Variants in BIN3 observed in about 807,000 individuals in gnomAD.
The protein encoded by BIN3 is bridging integrator 3.
A neutral mutation model predicts 38.2 loss-of-function variants in BIN3; 41 were observed. That is an observed-to-expected ratio of 1.07 (90% CI 0.84 to 1.39). The LOEUF is 1.39. Among genes scored for constraint, BIN3 ranks in the 40% most tolerant of loss-of-function variants. The probability of loss-of-function intolerance (pLI) is 0.00; values close to 1 mark genes in which losing one functional copy is unlikely to be tolerated. For synonymous variants in BIN3, 145 were observed against 122.6 expected (o/e 1.18, Z -1.21); for missense variants, 361 against 324.3 (o/e 1.11, Z -0.87).
intron 6 of BIN3, chr8:22,629,645 G>A: frequency 2.2e-6 from 1 of 455,642 alleles, no homozygotes; most frequent in Non-Finnish European, 4.0e-6. Flanking sequence ...GCTCCATTCA[G>A]CAAGCCCTGG....
chr8:22,629,654 G>A, intron 6 of BIN3: 1 of 487,388 alleles, frequency 2.1e-6, no homozygotes, highest in Non-Finnish European at 3.7e-6. Context: ...AGCAAGCCCT[G>A]GCCCCAGTGG....
At chr8:22,662,665 T>C (rs369512087) in intron 1 of BIN3, among the ~76,000 whole-genome samples, 6 of 152,318 alleles carry the variant, frequency 3.9e-5, no homozygotes, top group African/African-American at 1.4e-4. Context: ...CTTAGACAGA[T>C]GGTTTTCAAA....
chr8:22,665,918 T>TTG (rs1452136751), intron 1 of BIN3, among the ~76,000 whole-genome samples: 1 of 152,042 alleles, frequency 6.6e-6, no homozygotes, highest in African/African-American at 2.4e-5. Flanking sequence ...AGGTGGCAAA[T>TTG]TGTCAGCAGG....
chr8:22,642,745 C>G (rs1802602997), intron 2 of BIN3, among the ~76,000 whole-genome samples: 1 of 152,110 alleles, frequency 6.6e-6, no homozygotes, highest in Non-Finnish European at 1.5e-5. Context: ...AGGAACTTGC[C>G]CAAGGTCAGA....
At chr8:22,663,064 A>G (rs1803288092) in intron 1 of BIN3, among the ~76,000 whole-genome samples, 1 of 152,236 alleles carries the variant, frequency 6.6e-6, no homozygotes, top group African/African-American at 2.4e-5. Flanking sequence ...GGTTGCAGTG[A>G]GCTGAGATGG....
chr8:22,624,394 G>A (rs372335171), intron 6 of BIN3, 31 bp from the exon 7 acceptor site: 14 of 1,601,550 alleles, frequency 8.7e-6, no homozygotes, highest in African/African-American at 8.0e-5. Flanking sequence ...AGATGGGCCC[G>A]TTCTTGAAGG....
intron 2 of BIN3, among the ~76,000 whole-genome samples, chr8:22,637,899 T>C (rs1422199982): frequency 6.6e-6 from 1 of 152,154 alleles, no homozygotes; most frequent in African/African-American, 2.4e-5. Flanking sequence ...TGCAGTTCTC[T>C]ACACTCATCT....
chr8:22,645,533 G>GGAGGAA (rs1457148300), intron 1 of BIN3, among the ~76,000 whole-genome samples: 1 of 150,954 alleles, frequency 6.6e-6, no homozygotes, highest in Non-Finnish European at 1.5e-5. Flanking sequence ...AGGGGAGGGG[G>GGAGGAA]AGGAAAGGAA....
intron 1 of BIN3, among the ~76,000 whole-genome samples, chr8:22,668,404 T>C (rs1253688400): frequency 6.6e-6 from 1 of 152,230 alleles, no homozygotes; most frequent in Non-Finnish European, 1.5e-5. Context: ...TCTCATGGCA[T>C]GATAGTTCCC....
intron 2 of BIN3, among the ~76,000 whole-genome samples, chr8:22,638,502 C>T (rs1448992949): frequency 1.3e-5 from 2 of 152,138 alleles, no homozygotes; most frequent in African/African-American, 4.8e-5. Flanking sequence ...TCTGGGGATA[C>T]CCTGGTGATT....
intron 4 of BIN3, among the ~76,000 whole-genome samples, chr8:22,634,157 C>G (rs1363710272): frequency 6.6e-6 from 1 of 152,240 alleles, no homozygotes; most frequent in Non-Finnish European, 1.5e-5. Context: ...AGCTCCCGAA[C>G]TGGAAAGGCA....
chr8:22,630,513 G>T lies in BIN3; in HGVS notation c.226C>A (p.Gln76Lys). The change falls in exon 5 of 9, where the codon CAG (glutamine) becomes AAG (lysine). Residue 76 changes from glutamine (Q) to lysine (K), a missense_variant. Coordinates refer to ENST00000276416, the MANE Select transcript of BIN3 (RefSeq NM_018688.6). ...GCCGTCACCATGTTCAGAAGGTCCT[G>T]GTCTTGCTCACAGAGGGGATTGGAG... is the stretch of plus-strand genomic sequence containing the variant. Reference protein sequence around the residue: ...LLSNPLCEQDQDLLNMVTALD... With the variant: ...LLSNPLCEQDKDLLNMVTALD... The T allele has an allele frequency of 6.2e-7, 1 of 1,614,024 alleles. No homozygotes were observed. The highest frequency in any genetic ancestry group is 8.5e-7 in the Non-Finnish European group (1 of 1,179,886).
chr8:22,642,795 C>G (rs1033097390), intron 2 of BIN3, among the ~76,000 whole-genome samples: 11 of 152,210 alleles, frequency 7.2e-5, no homozygotes, highest in Non-Finnish European at 1.6e-4. Flanking sequence ...CCCAGGCTGC[C>G]AGCCTCCCAA....
At chr8:22,650,051 G>A (rs183132314) in intron 1 of BIN3, among the ~76,000 whole-genome samples, 2 of 152,024 alleles carry the variant, frequency 1.3e-5, no homozygotes, top group Admixed American at 6.5e-5. Flanking sequence ...AGTGGTTCAG[G>A]TATATAATGG....
At chr8:22,642,026 A>G (rs1802579711) in intron 2 of BIN3, among the ~76,000 whole-genome samples, 1 of 152,192 alleles carries the variant, frequency 6.6e-6, no homozygotes, top group South Asian at 2.1e-4. Context: ...TTCTAGCCAA[A>G]GCCTTGACAA....
At chr8:22,653,282 G>A (rs868247443) in intron 1 of BIN3, among the ~76,000 whole-genome samples, 1 of 152,156 alleles carries the variant, frequency 6.6e-6, no homozygotes, top group Admixed American at 6.5e-5. Flanking sequence ...TTCATTAACT[G>A]AGTTTTCTAA....
At chr8:22,660,233 A>T (rs1803190196) in intron 1 of BIN3, among the ~76,000 whole-genome samples, 1 of 152,264 alleles carries the variant, frequency 6.6e-6, no homozygotes, top group Admixed American at 6.5e-5. Context: ...CTAATATCTG[A>T]CAGACAAGTA....
chr8:22,663,602 A>G (rs1238952199), intron 1 of BIN3, among the ~76,000 whole-genome samples: 1 of 152,168 alleles, frequency 6.6e-6, no homozygotes, highest in Non-Finnish European at 1.5e-5. Flanking sequence ...AATTTCCAAA[A>G]GCCTAGGCTC....
intron 1 of BIN3, among the ~76,000 whole-genome samples, chr8:22,656,295 A>G (rs1423206742): frequency 6.7e-6 from 1 of 150,174 alleles, no homozygotes; most frequent in Non-Finnish European, 1.5e-5. Flanking sequence ...AAAATAACAC[A>G]TGTGAAGTTT....
Sources: allele counts gnomAD v4.1 joint callset (sites outside exome capture counted in the v4.1 genomes callset), GRCh38; gene constraint gnomAD v4.1.1; transcripts MANE v1.5; gene names NCBI Gene and HGNC (gene_info 2026-07-23, HGNC 2026-07-21).